The following ANKRD12 variants were observed in gnomAD, a reference collection of about 807,000 sequenced individuals.
ANKRD12 encodes the protein ankyrin repeat domain-containing protein 12.
In ANKRD12, 85 loss-of-function variants were observed where a neutral mutation model predicts 183.4. That is an observed-to-expected ratio of 0.46 (90% confidence interval 0.39 to 0.56). The LOEUF (loss-of-function observed/expected upper bound fraction) is 0.56. Among genes scored for constraint, ANKRD12 ranks in the 20% least tolerant of loss-of-function variants. The pLI, the probability that ANKRD12 is intolerant of heterozygous loss-of-function variation, is 0.00. For synonymous variants in ANKRD12, 914 were observed against 800.2 expected (o/e 1.14, Z -2.40); for missense variants, 2,405 against 2,357.1 (o/e 1.02, Z -0.42).
intron 2 of ANKRD12, among the ~76,000 whole-genome samples, chr18:9,194,501 C>T (rs2034653431): frequency 6.6e-6 from 1 of 151,956 alleles, no homozygotes; most frequent in Admixed American, 6.6e-5. Flanking sequence ...GGATTATAGG[C>T]ACCTGCCACC....
rs1598804242 is a variant in ANKRD12, at chr18:9,284,402, T to C, written c.*3276T>C. ...ACATAGTTTTCCAAAAAGAAAATTATTGTCTCTGATATCTTAAAACATAAA... is the reference window on the plus strand; with the variant it reads ...ACATAGTTTTCCAAAAAGAAAATTACTGTCTCTGATATCTTAAAACATAAA... On this transcript the variant is annotated 3_prime_UTR_variant, in exon 13 of 13. Transcript: ENST00000262126. 6.6e-6 allele frequency: 1 copy of C among 152,306 alleles called. No homozygotes were observed. Among genetic ancestry groups the C allele is most frequent in the Admixed American group, 6.5e-5 (1 of 15,300 alleles). The allele number at this position is 152,306 out of a possible 1,614,324, so 9.4% of individuals were successfully genotyped here.
chr18:9,212,273 C>T (rs1267985911), intron 6 of ANKRD12, among the ~76,000 whole-genome samples: 1 of 151,964 alleles, frequency 6.6e-6, no homozygotes, highest in Non-Finnish European at 1.5e-5. Flanking sequence ...TCACATACTG[C>T]ACAACCCTAC....
intron 2 of ANKRD12, among the ~76,000 whole-genome samples, chr18:9,193,585 T>G (rs1163072564): frequency 6.6e-6 from 1 of 152,224 alleles, no homozygotes; most frequent in Non-Finnish European, 1.5e-5. Flanking sequence ...GTTTGTTAAT[T>G]TATTTGCTCT....
chr18:9,215,289 G>C (rs1401030991), intron 6 of ANKRD12, among the ~76,000 whole-genome samples: 1 of 152,124 alleles, frequency 6.6e-6, no homozygotes, highest in Non-Finnish European at 1.5e-5. Context: ...ATACAGTTGG[G>C]TTTATGATCA....
At position 9,207,669 on chromosome 18, in the gene ANKRD12, C is replaced by T. The variant is rs535900623; in HGVS notation, c.305-988C>T. On this transcript the variant is annotated intron_variant, in intron 4 of 12. Coordinates refer to ENST00000262126, the MANE Select transcript of ANKRD12 (RefSeq NM_015208.5). The stretch of plus-strand genomic sequence containing the variant: ...TTGACTACTAAGCCTTTCCTTTTCC[C>T]ATTTTTGCTATTTTTGAATATTCTT... Among the ~76,000 whole-genome samples the T allele has an allele frequency of 8.9e-4, 135 of 151,640 alleles. 1 individual carries two copies. Among genetic ancestry groups the T allele is most frequent in the Admixed American group, 2.2e-3 (33 of 15,204 alleles).
At chr18:9,166,826 T>C (rs1007450554) in intron 1 of ANKRD12, among the ~76,000 whole-genome samples, 5 of 152,262 alleles carry the variant, frequency 3.3e-5, no homozygotes, top group African/African-American at 1.2e-4. Flanking sequence ...GCCTAGCTTT[T>C]CTTCTAGGGT....
intron 1 of ANKRD12, among the ~76,000 whole-genome samples, chr18:9,139,802 G>C (rs1598370330): frequency 6.6e-6 from 1 of 152,168 alleles, no homozygotes; most frequent in Admixed American, 6.5e-5. Flanking sequence ...GGGACAGGAA[G>C]GGACCTCTGA....
chr18:9,178,008 T>C (rs1455171927), intron 1 of ANKRD12, among the ~76,000 whole-genome samples: 1 of 152,278 alleles, frequency 6.6e-6, no homozygotes, highest in Non-Finnish European at 1.5e-5. Context: ...TTTAGAATTA[T>C]ATAATCTGGA....
intron 1 of ANKRD12, among the ~76,000 whole-genome samples, chr18:9,158,265 A>G (rs778521552): frequency 4.6e-5 from 7 of 152,196 alleles, no homozygotes; most frequent in East Asian, 1.9e-4. Context: ...TAAAAAACCA[A>G]TATTAATAAA....
intron 1 of ANKRD12, among the ~76,000 whole-genome samples, chr18:9,139,320 C>A (rs369922839): frequency 3.9e-5 from 6 of 151,990 alleles, no homozygotes; most frequent in Admixed American, 2.0e-4. Context: ...ATCAAGCTGT[C>A]GATATTACTT....
chr18:9,283,464 T>A lies in ANKRD12; in HGVS notation c.*2338T>A, dbSNP rs947792107. On this transcript the variant is annotated 3_prime_UTR_variant, in exon 13 of 13. Transcript: ENST00000262126. Reference sequence around the variant, plus strand: ...TAAAAGAAAAGTTAATGCCTTCTCATTGGAAATGTATAATCAAATAAGTAG... The same window carrying A: ...TAAAAGAAAAGTTAATGCCTTCTCAATGGAAATGTATAATCAAATAAGTAG... 4.6e-5 allele frequency: 7 copies of A among 152,390 alleles called. No homozygotes were observed. The highest frequency in any genetic ancestry group is 1.3e-4 in the Admixed American group (2 of 15,304). 9.4% of individuals were successfully genotyped at this position (152,390 alleles called of 1,614,324 possible). A position where few individuals can be genotyped will look rare whatever the true frequency, so the allele number is the denominator to read the frequency against.
At chr18:9,254,052 C>A (rs2038451597) in intron 8 of ANKRD12, among the ~76,000 whole-genome samples, 159 bp from the exon 9 acceptor site, 1 of 152,138 alleles carries the variant, frequency 6.6e-6, no homozygotes. Context: ...AGAGTTCTTA[C>A]ACATTGCTAT....
At chr18:9,238,315 C>T (rs2037463599) in intron 8 of ANKRD12, among the ~76,000 whole-genome samples, 1 of 152,092 alleles carries the variant, frequency 6.6e-6, no homozygotes, top group South Asian at 2.1e-4. Flanking sequence ...TAAATTTCAC[C>T]CACACTTAGA....
In ANKRD12 at chr18:9,258,292, T is replaced by C. The variant is rs1403841940; in HGVS notation, c.5025T>C (p.Ser1675=). 6 of 1,613,670 alleles carry C rather than the reference T, an allele frequency of 3.7e-6. No individual in the cohort carries two copies. In the South Asian group the frequency reaches 6.6e-5, roughly 18 times the overall value. The change falls in exon 9 of 13, where the codon AGT becomes AGC. Residue 1675 remains serine, a synonymous_variant. Transcript: ENST00000262126. ...AAGATCCAAAACATTGTCCTGAAAG[T>C]GAAAAGTGTTTGCTTTCCATAGAAG... ...NEQDPKHCPE[S]EKCLLSIEDE...
chr18:9,213,039 GTGTTTAT>G (rs1287954901), intron 6 of ANKRD12, among the ~76,000 whole-genome samples: 1 of 151,824 alleles, frequency 6.6e-6, no homozygotes, highest in African/African-American at 2.4e-5. Context: ...TCTCATTACA[GTGTTTAT>G]TGTACTACAG....
At chr18:9,197,424 G>A (rs1341040965) in intron 3 of ANKRD12, among the ~76,000 whole-genome samples, 1 of 152,114 alleles carries the variant, frequency 6.6e-6, no homozygotes, top group African/African-American at 2.4e-5. Flanking sequence ...ATTGACCCTC[G>A]AATGGTGTGG....
At chr18:9,278,712 G>A (rs1166640651) in intron 11 of ANKRD12, among the ~76,000 whole-genome samples, 3 of 152,034 alleles carry the variant, frequency 2.0e-5, no homozygotes, top group East Asian at 1.9e-4. Flanking sequence ...CGGGAGAATC[G>A]CCTGAACCTG....
chr18:9,281,182 T>C lies in ANKRD12; in HGVS notation c.*56T>C. 1 of 1,410,978 alleles carries C rather than the reference T, an allele frequency of 7.1e-7. No homozygotes were observed. The highest frequency in any genetic ancestry group is 9.6e-7 in the Non-Finnish European group (1 of 1,037,648). The allele number at this position is 1,410,978 out of a possible 1,614,324, so 87.4% of individuals were successfully genotyped here. A position where few individuals can be genotyped will look rare whatever the true frequency, so the allele number is the denominator to read the frequency against. On this transcript the variant is annotated 3_prime_UTR_variant, in exon 13 of 13. Transcript: ENST00000262126. ...AACTGGTGATGCTCAAGCATTATAC[T>C]GTGGAATACTGCCTTTTGACAAAAA...
Position 9,254,859 on chromosome 18 carries a change from C to T in ANKRD12, c.1592C>T (p.Thr531Ile). 1.3e-6 allele frequency: 2 copies of T among 1,517,272 alleles called. No homozygotes were observed. The highest frequency in any genetic ancestry group is 1.8e-6 in the Non-Finnish European group (2 of 1,136,988). The allele number at this position is 1,517,272 out of a possible 1,614,324, so 94.0% of individuals were successfully genotyped here. Reference protein sequence around the residue: ...FRKSFSPKDDTSLHLFHISTG... With the variant: ...FRKSFSPKDDISLHLFHISTG... ...AAATCTTTTAGCCCAAAAGATGATA[C>T]TTCATTACATTTATTTCATATTTCC... The change falls in exon 9 of 13, where the codon ACT (threonine) becomes ATT (isoleucine). Residue 531 changes from threonine to isoleucine, a missense_variant. Physicochemically the swap from Thr to Ile is moderately conservative, Grantham distance 89. Coordinates refer to ENST00000262126, the MANE Select transcript of ANKRD12 (RefSeq NM_015208.5).
Sources: gnomAD v4.1 joint callset for allele counts (sites outside exome capture counted in the v4.1 genomes callset) on GRCh38, gnomAD v4.1.1 for gene constraint, MANE v1.5 for transcripts, NCBI Gene and HGNC (gene_info 2026-07-23, HGNC 2026-07-21) for gene names.